RREB1: variants seen among roughly 807,000 people sequenced by gnomAD.
The protein encoded by RREB1 is ras-responsive element-binding protein 1.
A neutral mutation model predicts 117.8 loss-of-function variants in RREB1; 27 were observed. That is an observed-to-expected ratio of 0.23 (90% CI 0.17 to 0.32). The LOEUF (loss-of-function observed/expected upper bound fraction) is 0.32, where lower values mean the gene tolerates loss of function less well. Among genes scored for constraint, RREB1 ranks in the 10% least tolerant of loss-of-function variants. The pLI is 1.00. For synonymous variants in RREB1, 1,298 were observed against 1,026.7 expected (o/e 1.26, Z -5.05); for missense variants, 2,577 against 2,378.2 (o/e 1.08, Z -1.74).
chr6:7,166,775 C>T (rs947678775), intron 1 of RREB1, among the ~76,000 whole-genome samples: 1 of 152,202 alleles, frequency 6.6e-6, no homozygotes, highest in Non-Finnish European at 1.5e-5. Context: ...AGGTAAATCA[C>T]CTGCCCTGGG....
chr6:7,114,797 A>G (rs1302218824), intron 1 of RREB1, among the ~76,000 whole-genome samples: 1 of 152,220 alleles, frequency 6.6e-6, no homozygotes, highest in Non-Finnish European at 1.5e-5. Context: ...GGCATTAAAT[A>G]TATTTGAAAA....
chr6:7,247,217 C>T lies in RREB1; in HGVS notation c.4767C>T (p.His1589=). The T allele has an allele frequency of 6.2e-7, 1 of 1,612,058 alleles. No homozygotes were observed. The highest frequency in any genetic ancestry group is 8.5e-7 in the Non-Finnish European group (1 of 1,179,076). Reference sequence around the variant, plus strand: ...ACCTGACCCGGCACATGCGCTCCCACACAGGTAACCAGGGCAGGCCAGGTC... The same window carrying T: ...ACCTGACCCGGCACATGCGCTCCCATACAGGTAACCAGGGCAGGCCAGGTC... ...LQDLTRHMRS[H]TGERPYKCQT... is the part of the protein sequence containing the mutation. The change falls in exon 12 of 13, where the codon CAC becomes CAT. Residue 1589 remains histidine, a synonymous_variant. Transcript: ENST00000379938.
intron 6 of RREB1, among the ~76,000 whole-genome samples, chr6:7,201,500 C>T (rs1016373272): frequency 7.1e-6 from 1 of 141,024 alleles, no homozygotes; most frequent in East Asian, 2.1e-4. Context: ...ATTGTCCCCC[C>T]CCCCCAACCC....
At chr6:7,180,105 C>T (rs1364662652) in intron 2 of RREB1, among the ~76,000 whole-genome samples, 1 of 152,208 alleles carries the variant, frequency 6.6e-6, no homozygotes, top group Non-Finnish European at 1.5e-5. Flanking sequence ...TCCATAGTCT[C>T]AAATTGTATG....
In RREB1 at chr6:7,247,025, G is replaced by A; in HGVS notation, c.4575G>A (p.Glu1525=). The change falls in exon 12 of 13, where the codon GAG becomes GAA. Residue 1525 remains glutamate (E), a synonymous_variant. Transcript: ENST00000379938. ...GEAPAEKLAE[E]TEGPSDGESA... Reference sequence around the variant, plus strand: ...CCCCGGCGGAAAAGCTCGCGGAGGAGACGGAGGGCCCCTCCGACGGGGAGA... The same window carrying A: ...CCCCGGCGGAAAAGCTCGCGGAGGAAACGGAGGGCCCCTCCGACGGGGAGA... The A allele has an allele frequency of 6.2e-7, 1 of 1,612,120 alleles. No homozygotes were observed. The highest frequency in any genetic ancestry group is 8.5e-7 in the Non-Finnish European group (1 of 1,179,272).
At chr6:7,139,804 A>G (rs182025461) in intron 1 of RREB1, among the ~76,000 whole-genome samples, 40 of 152,370 alleles carry the variant, frequency 2.6e-4, no homozygotes, top group Admixed American at 8.5e-4. Flanking sequence ...TTGGAAATTT[A>G]TATTTTATCA....
intron 1 of RREB1, among the ~76,000 whole-genome samples, chr6:7,153,267 T>C (rs1335484137): frequency 6.6e-6 from 1 of 152,082 alleles, no homozygotes; most frequent in African/African-American, 2.4e-5. Context: ...GCTTTGTGGT[T>C]AAATTCTGAT....
intron 1 of RREB1, among the ~76,000 whole-genome samples, chr6:7,162,888 G>A (rs1358655579): frequency 6.6e-6 from 1 of 150,814 alleles, no homozygotes; most frequent in African/African-American, 2.4e-5. Context: ...TCACTCTGTT[G>A]CCTAGGCTAG....
chr6:7,125,946 G>T (rs1470275284), intron 1 of RREB1, among the ~76,000 whole-genome samples: 1 of 152,156 alleles, frequency 6.6e-6, no homozygotes, highest in East Asian at 1.9e-4. Context: ...GTACTTCAAG[G>T]TCTGTTTCCT....
Position 7,229,975 on chromosome 6 carries a change from T to A in RREB1, c.1876T>A (p.Phe626Ile). ...GATCACAGAGGGGGAACTCAAGGCC[T>A]TCATGACAGCGCCCGGCGGCAAGAA... ...QEITEGELKA[F>I]MTAPGGKKTP... The change falls in exon 10 of 13, where the codon TTC (phenylalanine) becomes ATC (isoleucine). Residue 626 changes from phenylalanine to isoleucine, a missense_variant. Transcript: ENST00000379938. The surrounding 1 kb of genome is among the most constrained non-coding windows in gnomAD (Gnocchi z 4.5). The A allele has an allele frequency of 6.2e-7, 1 of 1,607,022 alleles. No individual in the cohort carries two copies. The highest frequency in any genetic ancestry group is 2.2e-5 in the East Asian group (1 of 44,648).
In RREB1 at chr6:7,229,318, A is replaced by C; in HGVS notation, c.1219A>C (p.Thr407Pro). The C allele has an allele frequency of 6.2e-7, 1 of 1,614,174 alleles. No individual in the cohort carries two copies. The highest frequency in any genetic ancestry group is 8.5e-7 in the Non-Finnish European group (1 of 1,180,018). The change falls in exon 10 of 13, where the codon ACC becomes CCC. Residue 407 changes from threonine to proline, a missense_variant. Transcript: ENST00000379938. This position sits in a 1 kb window ranked among gnomAD's most constrained non-coding sequence, Gnocchi z 4.5. ...KCQLPQDPGC[T>P]NLLSLSPFEA... ...TCAGCTACCTCAGGACCCCGGCTGC[A>C]CCAACCTGCTGAGCCTGTCACCTTT...
chr6:7,162,427 C>T (rs1763717731), intron 1 of RREB1, among the ~76,000 whole-genome samples: 1 of 152,204 alleles, frequency 6.6e-6, no homozygotes, highest in South Asian at 2.1e-4. Context: ...TCGCCTTGCA[C>T]TCAGTGGTGC....
chr6:7,111,099 C>T (rs926664522), intron 1 of RREB1, among the ~76,000 whole-genome samples: 1 of 152,180 alleles, frequency 6.6e-6, no homozygotes, highest in African/African-American at 2.4e-5. Flanking sequence ...ACAGGTACAG[C>T]GTGTTGAAGG....
rs199530474 is a variant in RREB1 at position 7,231,608 on chromosome 6, T to C, written c.3509T>C (p.Val1170Ala). ...RSRPRANSGG[V>A]DLDSSGEFAS... is the part of the protein sequence containing the mutation. ...CGACCCCGCGCCAACAGCGGCGGGGTGGACCTGGACTCCAGCGGGGAGTTT... is the reference window on the plus strand; with the variant it reads ...CGACCCCGCGCCAACAGCGGCGGGGCGGACCTGGACTCCAGCGGGGAGTTT... Residue 1170 changes from valine (V) to alanine (A), a missense_variant, in exon 10 of 13, where the codon GTG becomes GCG. Val to Ala is a moderately conservative substitution (Grantham distance 64). Coordinates refer to ENST00000379938, the MANE Select transcript of RREB1 (RefSeq NM_001003699.4). 1 of 1,583,332 alleles carries C rather than the reference T, an allele frequency of 6.3e-7. No individual in the cohort carries two copies.
At chr6:7,135,695 G>A (rs973916964) in intron 1 of RREB1, among the ~76,000 whole-genome samples, 1 of 152,194 alleles carries the variant, frequency 6.6e-6, no homozygotes, top group Non-Finnish European at 1.5e-5. Context: ...GGGACTGGGA[G>A]CAGGTATTCC....
chr6:7,153,490 G>A (rs146760128), intron 1 of RREB1, among the ~76,000 whole-genome samples: 3 of 151,338 alleles, frequency 2.0e-5, no homozygotes, highest in East Asian at 3.9e-4. Context: ...ACATTTTAGC[G>A]GACTGAGCTT....
intron 1 of RREB1, among the ~76,000 whole-genome samples, chr6:7,124,693 C>T (rs1761834460): frequency 6.6e-6 from 1 of 152,228 alleles, no homozygotes; most frequent in Admixed American, 6.5e-5. Context: ...GCAGTAGAAG[C>T]AGCAGTCATA....
chr6:7,149,166 G>A (rs1403725265), intron 1 of RREB1, among the ~76,000 whole-genome samples: 1 of 152,094 alleles, frequency 6.6e-6, no homozygotes, highest in Non-Finnish European at 1.5e-5. Context: ...CAGGTGATCT[G>A]CCCGCCTTGG....
At chr6:7,164,632 G>A (rs1763836960) in intron 1 of RREB1, among the ~76,000 whole-genome samples, 1 of 152,168 alleles carries the variant, frequency 6.6e-6, no homozygotes, top group Non-Finnish European at 1.5e-5. Context: ...ATGCACAAAA[G>A]AGTGGATTTT....
Sources: allele counts gnomAD v4.1 joint callset (sites outside exome capture counted in the v4.1 genomes callset), GRCh38; gene constraint gnomAD v4.1.1; non-coding constraint Gnocchi (gnomAD v3.1); transcripts MANE v1.5; gene names NCBI Gene and HGNC (gene_info 2026-07-23, HGNC 2026-07-21).